Variants in FGD5 observed in about 807,000 individuals in gnomAD.
FGD5 encodes FYVE, RhoGEF and PH domain-containing protein 5.
FGD5 carries 28 observed loss-of-function variants against 133.4 expected under a neutral mutation model. That is an observed-to-expected ratio of 0.21 (90% CI 0.16 to 0.29). The LOEUF (loss-of-function observed/expected upper bound fraction) is 0.29. Among genes scored for constraint, FGD5 ranks in the 10% least tolerant of loss-of-function variants. The pLI, the probability that FGD5 is intolerant of heterozygous loss-of-function variation, is 1.00. For synonymous variants in FGD5, 810 were observed against 776.5 expected, an observed-to-expected ratio of 1.04 and a Z score of -0.72; for missense variants, 1,858 against 1,895.2, an observed-to-expected ratio of 0.98 and a Z score of 0.36.
chr3:14,896,234 A>C (rs1391588326), intron 4 of FGD5, among the ~76,000 whole-genome samples: 6 of 152,200 alleles, frequency 3.9e-5, no homozygotes, highest in Non-Finnish European at 7.4e-5. Flanking sequence ...TAAATCCAAT[A>C]CAATCCCTAT....
intron 1 of FGD5, among the ~76,000 whole-genome samples, chr3:14,855,050 C>T (rs920432717): frequency 6.6e-6 from 1 of 152,170 alleles, no homozygotes; most frequent in Non-Finnish European, 1.5e-5. Flanking sequence ...ATCCTCTGTT[C>T]CACTTTTTAC....
At chr3:14,871,575 G>C (rs140576329) in intron 2 of FGD5, among the ~76,000 whole-genome samples, 1 of 152,180 alleles carries the variant, frequency 6.6e-6, no homozygotes. Context: ...ATTGCAAGGC[G>C]GGTGACAGAG....
At position 14,821,134 on chromosome 3, in the gene FGD5, G is replaced by A; in HGVS notation, c.2063G>A (p.Gly688Glu). 3.7e-6 allele frequency: 6 copies of A among 1,613,916 alleles called. No homozygotes were observed. The highest frequency in any genetic ancestry group is 5.1e-6 in the Non-Finnish European group (6 of 1,179,892). Reference protein sequence around the residue: ...SRSSSESSYHGPSRILEVDRR... With the variant: ...SRSSSESSYHEPSRILEVDRR... The stretch of plus-strand genomic sequence containing the variant: ...TCCTCTTCAGAGTCCAGCTACCACG[G>A]GCCTTCCAGGATTCTGGAAGTTGAC... Residue 688 changes from glycine to glutamate, a missense_variant, in exon 1 of 20, where the codon GGG becomes GAG. This residue lies in a region of FGD5 where 1,824 missense variants were observed against 1,848.9 expected (regional missense o/e 0.99). Coordinates refer to ENST00000285046, the MANE Select transcript of FGD5 (RefSeq NM_152536.4).
chr3:14,826,352 A>T (rs1360335160), intron 1 of FGD5, among the ~76,000 whole-genome samples: 1 of 151,408 alleles, frequency 6.6e-6, no homozygotes, highest in Non-Finnish European at 1.5e-5. Flanking sequence ...CCATTAGTGC[A>T]TGTTGTTCTT....
At chr3:14,906,274 A>C (rs2038340001) in intron 9 of FGD5, among the ~76,000 whole-genome samples, 1 of 152,310 alleles carries the variant, frequency 6.6e-6, no homozygotes, top group East Asian at 1.9e-4. Flanking sequence ...CCGGGCTCTC[A>C]CAGCATTCCT....
chr3:14,876,977 A>G (rs115728596), intron 2 of FGD5, among the ~76,000 whole-genome samples: 2,489 of 152,298 alleles, frequency 0.016, 94 homozygotes, highest in East Asian at 0.11. Context: ...GGGACCAGGG[A>G]GGAGGCCAGT....
chr3:14,928,107 A>G (rs1292488896), intron 18 of FGD5, among the ~76,000 whole-genome samples: 3 of 151,808 alleles, frequency 2.0e-5, no homozygotes, highest in Non-Finnish European at 2.9e-5. Context: ...ACGCCCAGCT[A>G]ATTTTTGCAT....
chr3:14,919,950 T>A (rs894955084), intron 13 of FGD5, among the ~76,000 whole-genome samples: 2 of 152,162 alleles, frequency 1.3e-5, no homozygotes, highest in East Asian at 1.9e-4. Context: ...GCATTTGAAT[T>A]TGGGGGGACA....
chr3:14,931,794 G>A (rs1575269263), intron 18 of FGD5: 1 of 152,176 alleles, frequency 6.6e-6, no homozygotes, highest in South Asian at 2.1e-4. Flanking sequence ...TTGGAAGAAT[G>A]AGTATAGAAT....
At chr3:14,837,433 C>T (rs574907912) in intron 1 of FGD5, among the ~76,000 whole-genome samples, 127 of 152,114 alleles carry the variant, frequency 8.3e-4, no homozygotes, top group Non-Finnish European at 1.6e-3. Context: ...TAGTTTCCTT[C>T]GAACCTGCTA....
rs553593220 is a variant in FGD5, at chr3:14,822,106, TA to T, written c.2525+520del. 2.0e-4 allele frequency among the ~76,000 whole-genome samples: 28 copies of T among 140,838 alleles called. No homozygotes were observed. In the East Asian group the frequency reaches 3.9e-3, roughly 19 times the overall value. 92.4% of individuals were successfully genotyped at this position (140,838 alleles called of 152,430 possible). A position where few individuals can be genotyped will look rare whatever the true frequency, so the allele number is the denominator to read the frequency against. ...AGAGCGAGACTCTGTCTAAAAAAAA[TA>T]AAAAAAAAAGAAAAGAAAAAGAAAA... On this transcript the variant is annotated intron_variant, in intron 1 of 19. Coordinates refer to ENST00000285046, the MANE Select transcript of FGD5 (RefSeq NM_152536.4).
Position 14,879,736 on chromosome 3 carries a change from A to G in FGD5, c.2659-836A>G, listed in dbSNP as rs531822093. Among the ~76,000 whole-genome samples the G allele has an allele frequency of 8.5e-5, 13 of 152,220 alleles. No individual in the cohort carries two copies. In the South Asian group the frequency reaches 1.0e-3, roughly 12 times the overall value. Reference sequence around the variant, plus strand: ...TGAGAGGGGGATGCTCAGAAACGATACCTAGCCCAGCCCGTTGAGCAGGGA... The same window carrying G: ...TGAGAGGGGGATGCTCAGAAACGATGCCTAGCCCAGCCCGTTGAGCAGGGA... On this transcript the variant is annotated intron_variant, in intron 2 of 19. Transcript: ENST00000285046.
intron 9 of FGD5, among the ~76,000 whole-genome samples, chr3:14,903,904 A>T (rs1013179675): frequency 6.6e-6 from 1 of 151,656 alleles, no homozygotes; most frequent in Non-Finnish European, 1.5e-5. Flanking sequence ...GTAGTTTCTC[A>T]TTTTCCTTGC....
At chr3:14,926,476 C>G (rs1407899948) in intron 18 of FGD5, among the ~76,000 whole-genome samples, 1 of 152,200 alleles carries the variant, frequency 6.6e-6, no homozygotes, top group Non-Finnish European at 1.5e-5. Flanking sequence ...ATGGCACAGG[C>G]CCAGCATCTA....
Position 14,820,356 on chromosome 3 carries a change from C to A in FGD5, c.1285C>A (p.Pro429Thr), listed in dbSNP as rs1216368878. 2.5e-6 allele frequency: 4 copies of A among 1,613,208 alleles called. No homozygotes were observed. The African/African-American group carries it at 4.0e-5, about 16-fold the overall frequency. The change falls in exon 1 of 20, where the codon CCC becomes ACC. Residue 429 changes from proline (P) to threonine (T), a missense_variant. Physicochemically the swap from Pro to Thr is conservative, Grantham distance 38. Coordinates refer to ENST00000285046, the MANE Select transcript of FGD5 (RefSeq NM_152536.4). ...GGCCTTGGATGATGCACTGGCCAAC[C>A]CCTATGTGATGGGAGTGGGCCTGCC... is the stretch of plus-strand genomic sequence containing the variant. ...EEALDDALANPYVMGVGLPGQ... is the reference protein window; with the variant it reads ...EEALDDALANTYVMGVGLPGQ...
At position 14,926,109 on chromosome 3, in the gene FGD5, C is replaced by A. The variant is rs1445404859; in HGVS notation, c.4108C>A (p.Leu1370Ile). The A allele has an allele frequency of 6.2e-7, 1 of 1,613,944 alleles. No homozygotes were observed. The highest frequency in any genetic ancestry group is 8.5e-7 in the Non-Finnish European group (1 of 1,179,850). The change falls in exon 18 of 20, where the codon CTC becomes ATC. Residue 1370 changes from leucine (L) to isoleucine (I), a missense_variant. Coordinates refer to ENST00000285046, the MANE Select transcript of FGD5 (RefSeq NM_152536.4). ...SGEGSAISGYLSRCKRGKRHW... is the reference protein window; with the variant it reads ...SGEGSAISGYISRCKRGKRHW... ...AGAGGGCTCTGCCATCAGTGGCTAT[C>A]TCAGCCGGTGTAAGAGGGGCAAGCG... is the stretch of plus-strand genomic sequence containing the variant.
chr3:14,857,152 AT>A (rs2037297615), intron 1 of FGD5, among the ~76,000 whole-genome samples: 2 of 138,776 alleles, frequency 1.4e-5, no homozygotes, highest in Non-Finnish European at 3.1e-5. Context: ...TAGAAATGTC[AT>A]CCTTTTTTTT....
intron 2 of FGD5, among the ~76,000 whole-genome samples, chr3:14,877,708 C>G (rs964735807): frequency 1.3e-5 from 2 of 152,168 alleles, no homozygotes; most frequent in African/African-American, 2.4e-5. Flanking sequence ...GAGGGGCAAG[C>G]CCAGGCTGCT....
intron 18 of FGD5, 111 bp downstream of exon 18, chr3:14,926,309 A>C: frequency 6.9e-7 from 1 of 1,441,702 alleles, no homozygotes; most frequent in Non-Finnish European, 9.5e-7. Context: ...CTGCTGAGCC[A>C]GTTCTGGTGG....
Sources: allele counts gnomAD v4.1 joint callset (sites outside exome capture counted in the v4.1 genomes callset), GRCh38; gene constraint gnomAD v4.1.1; regional missense constraint gnomAD v4.1.1; transcripts MANE v1.5; gene names NCBI Gene and HGNC (gene_info 2026-07-23, HGNC 2026-07-21).